BEND7: variants seen among roughly 807,000 people sequenced by gnomAD.
BEND7 encodes BEN domain containing 7.
In BEND7, 28 loss-of-function variants were observed where a neutral mutation model predicts 50.9. That is an observed-to-expected ratio of 0.55 (90% confidence interval 0.41 to 0.75). The LOEUF is 0.75. BEND7 is among the 30% of genes least tolerant of loss of function. The pLI, the probability that BEND7 is intolerant of heterozygous loss-of-function variation, is 0.00. For missense variants in BEND7, 477 were observed against 491.3 expected, an observed-to-expected ratio of 0.97 and a Z score of 0.28; for synonymous variants, 170 against 183.9, an observed-to-expected ratio of 0.92 and a Z score of 0.61.
At chr10:13,445,245 C>T (rs964865379) in intron 8 of BEND7, 3 of 152,120 alleles carry the variant, frequency 2.0e-5, no homozygotes, top group Non-Finnish European at 4.4e-5. Flanking sequence ...TCATTATGAC[C>T]TCACAGCCTT....
chr10:13,453,246 C>A (rs893982490), intron 6 of BEND7, among the ~76,000 whole-genome samples: 1 of 149,770 alleles, frequency 6.7e-6, no homozygotes, highest in African/African-American at 2.5e-5. Flanking sequence ...CACGGTAGGA[C>A]ACAAGGCAGG....
chr10:13,473,909 T>C (rs1306913863), intron 6 of BEND7, among the ~76,000 whole-genome samples: 1 of 151,168 alleles, frequency 6.6e-6, no homozygotes, highest in Non-Finnish European at 1.5e-5. Context: ...TCAGGGCCGA[T>C]ACCTGTGATC....
At chr10:13,502,569 T>C (rs562989731) in intron 2 of BEND7, among the ~76,000 whole-genome samples, 35 of 152,122 alleles carry the variant, frequency 2.3e-4, no homozygotes, top group Non-Finnish European at 5.1e-4. Context: ...ACAGGGTGTG[T>C]CTGGAAGAGG....
intron 4 of BEND7, among the ~76,000 whole-genome samples, chr10:13,495,128 G>A (rs1263865989): frequency 6.6e-6 from 1 of 152,200 alleles, no homozygotes; most frequent in Non-Finnish European, 1.5e-5. Flanking sequence ...GAGCTTAAGT[G>A]ACAAAACAAA....
intron 5 of BEND7, among the ~76,000 whole-genome samples, chr10:13,492,333 G>GC (rs2076721989): frequency 6.6e-6 from 1 of 152,108 alleles, no homozygotes; most frequent in South Asian, 2.1e-4. Context: ...AATTGTCACT[G>GC]CAAAATTAAA....
At chr10:13,503,875 C>T (rs1306841155) in intron 2 of BEND7, among the ~76,000 whole-genome samples, 2 of 152,058 alleles carry the variant, frequency 1.3e-5, no homozygotes, top group East Asian at 1.9e-4. Flanking sequence ...GGGGAGATGA[C>T]GGGACGTTCA....
chr10:13,439,175 G>C (rs1835048396), downstream of BEND7: 1 of 1,585,046 alleles, frequency 6.3e-7, no homozygotes, highest in Non-Finnish European at 8.5e-7. Context: ...GATAATTTCA[G>C]AGAGAGAGGC....
chr10:13,518,471 T>C (rs1408495627), intron 2 of BEND7, among the ~76,000 whole-genome samples: 3 of 152,388 alleles, frequency 2.0e-5, no homozygotes, highest in African/African-American at 7.2e-5. Context: ...GCTTGCTTCA[T>C]GTGAAATCTG....
Position 13,496,809 on chromosome 10 carries a change from T to C in BEND7, c.528A>G (p.Leu176=), listed in dbSNP as rs2132110824. 2 of 1,613,682 alleles carry C rather than the reference T, an allele frequency of 1.2e-6. No homozygotes were observed. The highest frequency in any genetic ancestry group is 8.5e-7 in the Non-Finnish European group (1 of 1,179,966). The part of the protein sequence containing the change: ...CNCQSTLQAI[L]QELKTMRKLM... ...ATTTCCTCATGGTCTTGAGTTCTTG[T>C]AGAATGGCCTGCAACGTTGACTGGC... is the stretch of plus-strand genomic sequence containing the variant. Residue 176 remains leucine, a synonymous_variant, in exon 4 of 9, where the codon CTA becomes CTG. Transcript: ENST00000466271.
intron 6 of BEND7, among the ~76,000 whole-genome samples, chr10:13,465,531 T>A (rs1008648446): frequency 2.0e-5 from 3 of 152,164 alleles, no homozygotes; most frequent in Non-Finnish European, 2.9e-5. Flanking sequence ...AGCTGGCTGA[T>A]GTAATGAAAA....
chr10:13,466,607 T>C (rs1260510828), intron 6 of BEND7, among the ~76,000 whole-genome samples: 2 of 151,986 alleles, frequency 1.3e-5, no homozygotes, highest in African/African-American at 2.4e-5. Context: ...GGAAGGTGCA[T>C]TATGTTTCGT....
intron 6 of BEND7, among the ~76,000 whole-genome samples, chr10:13,452,985 T>C (rs1307883040): frequency 3.9e-5 from 6 of 152,218 alleles, no homozygotes; most frequent in African/African-American, 1.4e-4. Flanking sequence ...CTACTGACCT[T>C]ATGACAAGGT....
intron 6 of BEND7, among the ~76,000 whole-genome samples, chr10:13,458,195 G>A (rs530367827): frequency 5.3e-4 from 80 of 152,286 alleles, no homozygotes; most frequent in Non-Finnish European, 9.9e-4. Flanking sequence ...CCCTTTAATT[G>A]TATATAAATA....
At chr10:13,499,654 T>A in intron 3 of BEND7, 124 bp downstream of exon 3, 1 of 1,180,162 alleles carries the variant, frequency 8.5e-7, no homozygotes, top group Non-Finnish European at 1.1e-6. Context: ...TCTTTTAAAG[T>A]AACTCAGCAA....
intron 2 of BEND7, among the ~76,000 whole-genome samples, chr10:13,524,884 T>C (rs954945382): frequency 1.4e-4 from 21 of 151,806 alleles, no homozygotes; most frequent in Non-Finnish European, 2.9e-5. Context: ...AATGCTGACA[T>C]TTCCCTCCTA....
intron 4 of BEND7, 111 bp downstream of exon 4, chr10:13,496,647 CACAGCAAG>C: frequency 6.6e-6 from 8 of 1,210,960 alleles, no homozygotes; most frequent in Non-Finnish European, 8.0e-6. Context: ...CTTGAAAAGG[CACAGCAAG>C]ACAGCAAGGT....
rs944467319 is a variant in BEND7 at position 13,475,374 on chromosome 10, C to A, written c.1063+5525G>T. ...GCATTCATCACTTTGGTTCTGACTG[C>A]CAAACATTTAAACTAGAATTTGATT... On this transcript the variant is annotated intron_variant, in intron 6 of 8. Coordinates refer to ENST00000466271, the MANE Select transcript of BEND7 (RefSeq NM_001369863.1). Among the ~76,000 whole-genome samples, 8 of 152,288 alleles carry A rather than the reference C, an allele frequency of 5.3e-5. No homozygotes were observed. The East Asian group carries it at 1.5e-3, about 29-fold the overall frequency.
intron 6 of BEND7, among the ~76,000 whole-genome samples, chr10:13,478,814 T>C (rs1289012233): frequency 6.6e-6 from 1 of 152,212 alleles, no homozygotes; most frequent in African/African-American, 2.4e-5. Flanking sequence ...GATTTCCATC[T>C]GTTTTAAAGT....
rs982366385 is a variant in BEND7, at chr10:13,441,195, T to C, written c.*548A>G. 3.3e-5 allele frequency: 32 copies of C among 957,738 alleles called. No homozygotes were observed. The highest frequency in any genetic ancestry group is 1.2e-4 in the East Asian group (1 of 8,672). The allele number at this position is 957,738 out of a possible 1,614,324, so 59.3% of individuals were successfully genotyped here. A position where few individuals can be genotyped will look rare whatever the true frequency, so the allele number is the denominator to read the frequency against. On this transcript the variant is annotated 3_prime_UTR_variant, in exon 9 of 9. Transcript: ENST00000466271. ...CACCATTTTCACAACCAGGCTTGCA[T>C]TGAATTCTTTTTTAAAGAACATAGT...
Sources: allele counts gnomAD v4.1 joint callset (sites outside exome capture counted in the v4.1 genomes callset), GRCh38; gene constraint gnomAD v4.1.1; transcripts MANE v1.5; gene names NCBI Gene and HGNC (gene_info 2026-07-23, HGNC 2026-07-21).